The following SPAG1 variants were observed in gnomAD, a reference collection of about 807,000 sequenced individuals.
SPAG1 encodes the protein sperm-associated antigen 1.
SPAG1 carries 69 observed loss-of-function variants against 100.5 expected under a neutral mutation model. That is an observed-to-expected ratio of 0.69 (90% confidence interval 0.57 to 0.84). The LOEUF is 0.84. Ranked by LOEUF, SPAG1 falls within the 40% of genes least tolerant of loss-of-function variation. The pLI is 0.00. For missense variants in SPAG1, 955 were observed against 1,133.1 expected (o/e 0.84, Z 2.26); for synonymous variants, 336 against 411.6 (o/e 0.82, Z 2.22).
chr8:100,202,665 G>C (rs368626916), intron 10 of SPAG1, among the ~76,000 whole-genome samples: 1 of 132,292 alleles, frequency 7.6e-6, no homozygotes, highest in Admixed American at 8.7e-5. Flanking sequence ...AGCCGAGATC[G>C]CGCCACTGCA....
At chr8:100,164,307 G>T (rs1815447758) in intron 2 of SPAG1, among the ~76,000 whole-genome samples, 1 of 152,160 alleles carries the variant, frequency 6.6e-6, no homozygotes, top group Admixed American at 6.5e-5. Flanking sequence ...ACATATATAT[G>T]TTGAAGAGAA....
intron 14 of SPAG1, 83 bp downstream of exon 14, chr8:100,225,422 C>A: frequency 1.6e-6 from 2 of 1,272,482 alleles, no homozygotes; most frequent in Non-Finnish European, 2.2e-6. Flanking sequence ...GAGATAAGAG[C>A]ATTAATTCTA....
In SPAG1 at chr8:100,213,344, C is replaced by A; in HGVS notation, c.1351C>A (p.Gln451Lys). 1 of 1,377,556 alleles carries A rather than the reference C, an allele frequency of 7.3e-7. No individual in the cohort carries two copies. Among genetic ancestry groups the A allele is most frequent in the Non-Finnish European group, 9.4e-7 (1 of 1,060,758 alleles). 85.3% of individuals were successfully genotyped at this position (1,377,556 alleles called of 1,614,324 possible). ...GAENPAGLKS[Q>K]GNELFRSGQF... ...GGAGAACCCTGCCGGCCTGAAGAGC[C>A]AGGGCAACGAGCTGTTCCGAAGCGG... Residue 451 changes from glutamine to lysine, a missense_variant, in exon 11 of 19, where the codon CAG (glutamine) becomes AAG (lysine). Gln to Lys is a moderately conservative substitution (Grantham distance 53). Coordinates refer to ENST00000388798, the MANE Select transcript of SPAG1 (RefSeq NM_003114.5).
chr8:100,166,694 A>G (rs1220563149), intron 3 of SPAG1, among the ~76,000 whole-genome samples: 16 of 152,182 alleles, frequency 1.1e-4, no homozygotes, highest in Admixed American at 1.0e-3. Flanking sequence ...GGATCACTTC[A>G]GGCCAGGAGT....
intron 3 of SPAG1, among the ~76,000 whole-genome samples, chr8:100,173,205 A>AT (rs1020881963): frequency 2.1e-4 from 32 of 151,184 alleles, no homozygotes; most frequent in Non-Finnish European, 3.4e-4. Flanking sequence ...CACTCAGCTA[A>AT]TTTTTTTGTA....
chr8:100,213,204 C>A lies in SPAG1; in HGVS notation c.1211C>A (p.Pro404Gln). ...GGCAAGCGGCCGGCAAGGGGCGCGC[C>A]GCAGCGGGGCCAGACCCCGGAGGCC... ...EGGKRPARGA[P>Q]QRGQTPEAGA... Residue 404 changes from proline (P) to glutamine (Q), a missense_variant, in exon 11 of 19, where the codon CCG becomes CAG. Physicochemically the swap from Pro to Gln is moderately conservative, Grantham distance 76 (BLOSUM62 -1). Coordinates refer to ENST00000388798, the MANE Select transcript of SPAG1 (RefSeq NM_003114.5). The A allele has an allele frequency of 6.9e-7, 1 of 1,455,880 alleles. No homozygotes were observed. The allele number at this position is 1,455,880 out of a possible 1,614,324, so 90.2% of individuals were successfully genotyped here. A position where few individuals can be genotyped will look rare whatever the true frequency, so the allele number is the denominator to read the frequency against.
chr8:100,209,789 G>C (rs892548694), intron 10 of SPAG1, among the ~76,000 whole-genome samples: 20 of 150,560 alleles, frequency 1.3e-4, no homozygotes, highest in African/African-American at 4.7e-4. Context: ...TTTTTGCTCT[G>C]TTCATTGCTA....
chr8:100,180,314 G>C (rs1563777558), intron 4 of SPAG1, among the ~76,000 whole-genome samples: 1 of 152,070 alleles, frequency 6.6e-6, no homozygotes, highest in Non-Finnish European at 1.5e-5. Context: ...CTCCAGTCTG[G>C]GCAACAGAGC....
At chr8:100,227,403 G>C (rs1818562753) in intron 14 of SPAG1, among the ~76,000 whole-genome samples, 1 of 152,132 alleles carries the variant, frequency 6.6e-6, no homozygotes, top group African/African-American at 2.4e-5. Context: ...ATGCCCTGAG[G>C]TTCCTGACCC....
At chr8:100,179,258 C>T (rs182185578) in intron 4 of SPAG1, among the ~76,000 whole-genome samples, 48 of 152,086 alleles carry the variant, frequency 3.2e-4, no homozygotes, top group Admixed American at 3.1e-3. Flanking sequence ...TGGTGGGCCC[C>T]TGTAATCCCA....
At position 100,231,833 on chromosome 8, in the gene SPAG1, G is replaced by C. The variant is rs193268510; in HGVS notation, c.1988+545G>C. ...AAAAATTAGCCAGGCGCAGCGGCAGGCACCTGTAGTCCCAGCTACTCCGGA... is the reference window on the plus strand; with the variant it reads ...AAAAATTAGCCAGGCGCAGCGGCAGCCACCTGTAGTCCCAGCTACTCCGGA... On this transcript the variant is annotated intron_variant, in intron 15 of 18. Coordinates refer to ENST00000388798, the MANE Select transcript of SPAG1 (RefSeq NM_003114.5). Among the ~76,000 whole-genome samples, 14 of 152,200 alleles carry C rather than the reference G, an allele frequency of 9.2e-5. No individual in the cohort carries two copies. In the East Asian group the frequency reaches 2.7e-3, roughly 29 times the overall value.
chr8:100,221,909 T>G (rs771994560), intron 13 of SPAG1, among the ~76,000 whole-genome samples: 13 of 152,262 alleles, frequency 8.5e-5, no homozygotes, highest in Non-Finnish European at 4.4e-5. Context: ...GTGACAACCG[T>G]TCTCTTGGTA....
chr8:100,234,133 T>C (rs971471701), intron 16 of SPAG1, among the ~76,000 whole-genome samples: 3 of 152,222 alleles, frequency 2.0e-5, no homozygotes, highest in African/African-American at 7.2e-5. Context: ...TCCTGAGGAA[T>C]GAATGTTCAT....
intron 10 of SPAG1, among the ~76,000 whole-genome samples, chr8:100,196,378 G>T (rs1446954414): frequency 6.6e-6 from 1 of 152,160 alleles, no homozygotes; most frequent in Non-Finnish European, 1.5e-5. Context: ...GTCCTTGCCA[G>T]CATTTGGTAT....
Position 100,191,510 on chromosome 8 carries a change from G to A in SPAG1, c.939+14G>A, listed in dbSNP as rs765294223. 1.3e-6 allele frequency: 2 copies of A among 1,523,228 alleles called. No individual in the cohort carries two copies. The highest frequency in any genetic ancestry group is 1.1e-5 in the South Asian group (1 of 87,540). The allele number at this position is 1,523,228 out of a possible 1,614,324, so 94.4% of individuals were successfully genotyped here. On this transcript the variant is annotated intron_variant, in intron 9 of 18. Coordinates refer to ENST00000388798, the MANE Select transcript of SPAG1 (RefSeq NM_003114.5). ...GATTTGGCCAAGGTAAGTATAGAAT[G>A]TGATTTCTCACCTAATTCTGTAGTT...
intron 13 of SPAG1, among the ~76,000 whole-genome samples, chr8:100,223,837 T>A (rs991067055): frequency 1.3e-5 from 2 of 151,408 alleles, no homozygotes; most frequent in Non-Finnish European, 2.9e-5. Context: ...TTAATTTAAA[T>A]TTTTTTTTAC....
intron 10 of SPAG1, among the ~76,000 whole-genome samples, chr8:100,206,351 ACTGT>A (rs1817517769): frequency 6.6e-6 from 1 of 152,224 alleles, no homozygotes; most frequent in South Asian, 2.1e-4. Flanking sequence ...ATATACCTTT[ACTGT>A]CCTACCTCAG....
intron 3 of SPAG1, 90 bp downstream of exon 3, chr8:100,166,063 G>A: frequency 8.5e-7 from 1 of 1,177,928 alleles, no homozygotes; most frequent in Non-Finnish European, 1.2e-6. Context: ...CTTCTTGTTT[G>A]TCCGTAAAGG....
At position 100,213,698 on chromosome 8, in the gene SPAG1, G is replaced by C. The variant is rs1586498345; in HGVS notation, c.1436-121G>C. The C allele has an allele frequency of 3.6e-5, 23 of 647,312 alleles. No homozygotes were observed. The East Asian group carries it at 6.5e-4, about 18-fold the overall frequency. 40.1% of individuals were successfully genotyped at this position (647,312 alleles called of 1,614,324 possible). A position where few individuals can be genotyped will look rare whatever the true frequency, so the allele number is the denominator to read the frequency against. On this transcript the variant is annotated intron_variant, in intron 11 of 18. Transcript: ENST00000388798. ...GCGGGTAGCAGCTCCGTGGAGTTCT[G>C]CATGATCAGTCTGCAGGACTGCAGT...
Sources: gnomAD v4.1 joint callset for allele counts (sites outside exome capture counted in the v4.1 genomes callset) on GRCh38, gnomAD v4.1.1 for gene constraint, MANE v1.5 for transcripts, NCBI Gene and HGNC (gene_info 2026-07-23, HGNC 2026-07-21) for gene names.